SAXO1: variants seen among roughly 807,000 people sequenced by gnomAD.
The protein encoded by SAXO1 is 4930500O09Rik.
In SAXO1, 21 loss-of-function variants were observed where a neutral mutation model predicts 17.5. The ratio of observed to expected loss-of-function variants is 1.20; its 90% CI spans 0.85 to 1.72. The LOEUF is 1.72. SAXO1 is among the 40% of genes most tolerant of loss of function. SAXO1 has a pLI of 0.00. For missense variants in SAXO1, 843 were observed against 596.0 expected, an observed-to-expected ratio of 1.41 and a Z score of -4.32; for synonymous variants, 274 against 216.5, an observed-to-expected ratio of 1.27 and a Z score of -2.33.
intron 2 of SAXO1, 63 bp downstream of exon 2, chr9:18,950,695 G>C: frequency 7.1e-7 from 1 of 1,408,542 alleles, no homozygotes; most frequent in South Asian, 1.3e-5. Context: ...TTATACATTA[G>C]CACTGCATGT....
chr9:18,936,389 T>C (rs1003643263), intron 3 of SAXO1, among the ~76,000 whole-genome samples: 1 of 152,088 alleles, frequency 6.6e-6, no homozygotes, highest in African/African-American at 2.4e-5. Flanking sequence ...CTGGCCTTGC[T>C]GAAACGGAGG....
chr9:19,030,445 G>C (rs903285381), intron 1 of SAXO1, among the ~76,000 whole-genome samples: 1 of 152,150 alleles, frequency 6.6e-6, no homozygotes, highest in Non-Finnish European at 1.5e-5. Context: ...GGTGGCTCAC[G>C]CCTGTAATCC....
rs149656581 is a variant in SAXO1 at position 18,950,934 on chromosome 9, C to T, written c.42G>A (p.Arg14=). 2.9e-3 allele frequency: 4,706 copies of T among 1,610,490 alleles called. 11 individuals are homozygous for T. Among genetic ancestry groups the T allele is most frequent in the Middle Eastern group, 7.9e-3 (39 of 4,918 alleles). The change falls in exon 2 of 4, where the codon CGG becomes CGA. Residue 14 remains arginine, a synonymous_variant. Coordinates refer to ENST00000380534, the MANE Select transcript of SAXO1 (RefSeq NM_153707.4). The stretch of plus-strand genomic sequence containing the variant: ...TGGTAGGGAGATGTGGACAGTGATG[C>T]CGCCTATAAAAGACACAGAGTTAGG... The part of the protein sequence containing the change: ...KCICELCSCG[R]HHCPHLPTKI...
chr9:19,011,734 C>T (rs983788460), intron 1 of SAXO1, among the ~76,000 whole-genome samples: 6 of 152,242 alleles, frequency 3.9e-5, no homozygotes, highest in African/African-American at 1.2e-4. Flanking sequence ...TTAAATAACA[C>T]AAAATCTAAG....
At chr9:19,035,002 G>T (rs1422015082), upstream of SAXO1, among the ~76,000 whole-genome samples, 5 of 152,174 alleles carry the variant, frequency 3.3e-5, no homozygotes, top group Non-Finnish European at 5.9e-5. Flanking sequence ...AGAGGGTAGA[G>T]ATCTTGAAAG....
In SAXO1 at chr9:18,927,916, A is replaced by C. The variant is rs1465148095; in HGVS notation, c.*136T>G. The C allele has an allele frequency of 4.4e-6, 4 of 902,346 alleles. No individual in the cohort carries two copies. The Admixed American group carries it at 8.3e-5, about 19-fold the overall frequency. 55.9% of individuals were successfully genotyped at this position (902,346 alleles called of 1,614,324 possible). A position where few individuals can be genotyped will look rare whatever the true frequency, so the allele number is the denominator to read the frequency against. ...AGTCAAGTGATTCTCATTTTATTCA[A>C]GTGCTCTGGAAGTGGTGAAGGTTTT... On this transcript the variant is annotated 3_prime_UTR_variant, in exon 4 of 4. Coordinates refer to ENST00000380534, the MANE Select transcript of SAXO1 (RefSeq NM_153707.4).
At chr9:18,970,418 C>T (rs1324556679) in intron 1 of SAXO1, among the ~76,000 whole-genome samples, 1 of 152,130 alleles carries the variant, frequency 6.6e-6, no homozygotes, top group Non-Finnish European at 1.5e-5. Context: ...GCTAGGATCA[C>T]CCTCAACTGT....
intron 1 of SAXO1, among the ~76,000 whole-genome samples, chr9:18,977,798 A>C (rs1833209140): frequency 6.6e-6 from 1 of 151,902 alleles, no homozygotes; most frequent in Admixed American, 6.6e-5. Flanking sequence ...GCTCCACACC[A>C]CTCTGGGCAA....
intron 1 of SAXO1, among the ~76,000 whole-genome samples, chr9:19,031,521 A>G (rs1250251473): frequency 6.6e-6 from 1 of 152,256 alleles, no homozygotes; most frequent in Non-Finnish European, 1.5e-5. Flanking sequence ...AGATGGCACC[A>G]CTGCACTCCA....
chr9:18,962,048 G>T (rs1832508276), intron 1 of SAXO1, among the ~76,000 whole-genome samples: 1 of 152,092 alleles, frequency 6.6e-6, no homozygotes, highest in African/African-American at 2.4e-5. Context: ...ATCTCATTGT[G>T]TGTGTACGGT....
intron 1 of SAXO1, among the ~76,000 whole-genome samples, chr9:19,000,434 T>C (rs1375762341): frequency 6.8e-6 from 1 of 146,450 alleles, no homozygotes; most frequent in Non-Finnish European, 1.5e-5. Flanking sequence ...AAGTGAGGAA[T>C]GCCTCTGCCA....
intron 1 of SAXO1, among the ~76,000 whole-genome samples, chr9:18,983,814 T>G (rs1833489083): frequency 6.6e-6 from 1 of 152,210 alleles, no homozygotes; most frequent in African/African-American, 2.4e-5. Context: ...ACTTTCTTAA[T>G]GGCGTCTAGA....
At chr9:19,003,248 A>T (rs984212408) in intron 1 of SAXO1, among the ~76,000 whole-genome samples, 3 of 152,234 alleles carry the variant, frequency 2.0e-5, no homozygotes, top group Admixed American at 2.0e-4. Context: ...AAAAGAGGAC[A>T]CAAACAAACG....
chr9:18,970,605 T>C (rs1032553885), intron 1 of SAXO1, among the ~76,000 whole-genome samples: 7 of 152,198 alleles, frequency 4.6e-5, no homozygotes, highest in Admixed American at 2.6e-4. Flanking sequence ...GCATATGAGA[T>C]ACAGCCCTAG....
intron 1 of SAXO1, among the ~76,000 whole-genome samples, chr9:19,000,208 T>C (rs1203733555): frequency 5.4e-3 from 392 of 72,584 alleles, no homozygotes; most frequent in Middle Eastern, 0.014. Flanking sequence ...CTCCACCCGG[T>C]CGCCCAAATG....
At chr9:18,946,936 G>T (rs1201147915) in intron 2 of SAXO1, among the ~76,000 whole-genome samples, 5 of 152,164 alleles carry the variant, frequency 3.3e-5, no homozygotes, top group Admixed American at 2.6e-4. Flanking sequence ...TAGGTTAATA[G>T]AAACTATCCA....
chr9:19,035,853 G>A (rs983823108), upstream of SAXO1, among the ~76,000 whole-genome samples: 5 of 152,138 alleles, frequency 3.3e-5, no homozygotes, highest in Non-Finnish European at 7.3e-5. Flanking sequence ...TCTGGCAGAC[G>A]AAACTTCTAA....
intron 2 of SAXO1, among the ~76,000 whole-genome samples, chr9:18,947,251 T>C (rs1162813811): frequency 6.6e-6 from 1 of 152,180 alleles, no homozygotes; most frequent in Non-Finnish European, 1.5e-5. Flanking sequence ...TAAAATTCAA[T>C]GGGCAGTGCA....
intron 3 of SAXO1, among the ~76,000 whole-genome samples, chr9:18,930,784 C>T (rs530837451): frequency 3.5e-4 from 53 of 152,332 alleles, no homozygotes; most frequent in Admixed American, 6.5e-4. Flanking sequence ...CAGGCGTGAG[C>T]CACCACGCCC....
Sources: allele counts gnomAD v4.1 joint callset (sites outside exome capture counted in the v4.1 genomes callset), GRCh38; gene constraint gnomAD v4.1.1; transcripts MANE v1.5; gene names NCBI Gene and HGNC (gene_info 2026-07-23, HGNC 2026-07-21).